Variants in PDZRN3 observed in about 807,000 individuals in gnomAD.
PDZRN3 encodes the protein E3 ubiquitin-protein ligase PDZRN3.
In PDZRN3, 38 loss-of-function variants were observed where a neutral mutation model predicts 85.7. The ratio of observed to expected loss-of-function variants is 0.44; its 90% CI spans 0.34 to 0.58. The LOEUF (loss-of-function observed/expected upper bound fraction) is 0.58. PDZRN3 is among the 20% of genes least tolerant of loss of function. The pLI is 0.01. For synonymous variants in PDZRN3, 759 were observed against 638.0 expected (o/e 1.19, Z -2.86); for missense variants, 1,629 against 1,506.4 (o/e 1.08, Z -1.35).
intron 3 of PDZRN3, among the ~76,000 whole-genome samples, chr3:73,486,303 G>A (rs1410803817): frequency 6.6e-6 from 1 of 152,086 alleles, no homozygotes; most frequent in African/African-American, 2.4e-5. Context: ...TAGGAGGGGT[G>A]GGATTCCAAT....
intron 3 of PDZRN3, among the ~76,000 whole-genome samples, chr3:73,444,963 G>C (rs1702719451): frequency 6.6e-6 from 1 of 152,198 alleles, no homozygotes; most frequent in Admixed American, 6.5e-5. Flanking sequence ...CCACATGAAT[G>C]GCGGTCTTGA....
chr3:73,478,427 G>C (rs951558492), intron 3 of PDZRN3, among the ~76,000 whole-genome samples: 3 of 152,060 alleles, frequency 2.0e-5, no homozygotes, highest in Non-Finnish European at 4.4e-5. Flanking sequence ...AATGCCTGAT[G>C]ATCTGTCACT....
chr3:73,546,970 A>G (rs989604434), intron 3 of PDZRN3, among the ~76,000 whole-genome samples: 1 of 152,170 alleles, frequency 6.6e-6, no homozygotes, highest in East Asian at 1.9e-4. Context: ...TCTACTCCCA[A>G]CTACATGCCT....
At position 73,499,415 on chromosome 3, in the gene PDZRN3, G is replaced by A. The variant is rs74906002; in HGVS notation, c.919-95020C>T. Among the ~76,000 whole-genome samples, 1,087 of 152,212 alleles carry A rather than the reference G, an allele frequency of 7.1e-3. 12 individuals are homozygous for A. Among genetic ancestry groups the A allele is most frequent in the African/African-American group, 0.025 (1,042 of 41,530 alleles). On this transcript the variant is annotated intron_variant, in intron 3 of 9. Transcript: ENST00000263666. The stretch of plus-strand genomic sequence containing the variant: ...ACACATGTAGGCTGAGCCATGAGCC[G>A]CTCCCCTCCCAGGCTCTCAGACCTG...
At chr3:73,621,673 G>C (rs1215836877) in intron 1 of PDZRN3, 1 of 152,194 alleles carries the variant, frequency 6.6e-6, no homozygotes, top group Non-Finnish European at 1.5e-5. Context: ...TGGGTCTGAG[G>C]CCAGGGAAAC....
intron 3 of PDZRN3, among the ~76,000 whole-genome samples, chr3:73,469,390 C>G (rs187042582): frequency 2.6e-5 from 4 of 152,172 alleles, no homozygotes; most frequent in African/African-American, 9.7e-5. Context: ...CTCTTTAATA[C>G]GAATGAGATC....
chr3:73,466,984 G>A (rs1040396659), intron 3 of PDZRN3, among the ~76,000 whole-genome samples: 5 of 152,078 alleles, frequency 3.3e-5, no homozygotes, highest in Non-Finnish European at 7.4e-5. Context: ...GGGCAAAAAT[G>A]GGTCCCCAGG....
Position 73,501,076 on chromosome 3 carries a change from T to A in PDZRN3, c.919-96681A>T, listed in dbSNP as rs553972311. ...AATGTCCGTGTAAGCAATTCAGAAA[T>A]ACTTGTAATTTTTGAAACTCTTTGC... On this transcript the variant is annotated intron_variant, in intron 3 of 9. Coordinates refer to ENST00000263666, the MANE Select transcript of PDZRN3 (RefSeq NM_015009.3). Among the ~76,000 whole-genome samples the A allele has an allele frequency of 7.9e-5, 12 of 152,334 alleles. No individual in the cohort carries two copies. In the South Asian group the frequency reaches 2.5e-3, roughly 32 times the overall value.
intron 3 of PDZRN3, among the ~76,000 whole-genome samples, chr3:73,547,850 C>G (rs1377016094): frequency 6.6e-6 from 1 of 152,146 alleles, no homozygotes; most frequent in African/African-American, 2.4e-5. Context: ...TTGGCAAGTC[C>G]CAACTTCCTG....
chr3:73,542,752 C>T (rs996507816), intron 3 of PDZRN3, among the ~76,000 whole-genome samples: 5 of 151,396 alleles, frequency 3.3e-5, no homozygotes, highest in African/African-American at 9.7e-5. Flanking sequence ...CCAGCCTGGG[C>T]GACAAGTGGG....
Position 73,384,326 on chromosome 3 carries a change from G to C in PDZRN3, c.2240C>G (p.Pro747Arg), listed in dbSNP as rs750579131. Residue 747 changes from proline to arginine, a missense_variant, in exon 10 of 10, where the codon CCG (proline) becomes CGG (arginine). Coordinates refer to ENST00000263666, the MANE Select transcript of PDZRN3 (RefSeq NM_015009.3). ...CGAGCTGTCCTTGTCGGATTTCTCCGGGAGCTCGGTGATATCTGAGAGCTC... is the reference window on the plus strand; with the variant it reads ...CGAGCTGTCCTTGTCGGATTTCTCCCGGAGCTCGGTGATATCTGAGAGCTC... ...RHELSDITELPEKSDKDSSSA... is the reference protein window; with the variant it reads ...RHELSDITELREKSDKDSSSA... 6.2e-7 allele frequency: 1 copy of C among 1,611,696 alleles called. No individual in the cohort carries two copies. The highest frequency in any genetic ancestry group is 8.5e-7 in the Non-Finnish European group (1 of 1,179,972).
Position 73,501,275 on chromosome 3 carries a change from G to A in PDZRN3, c.919-96880C>T, listed in dbSNP as rs1268599674. On this transcript the variant is annotated intron_variant, in intron 3 of 9. Coordinates refer to ENST00000263666, the MANE Select transcript of PDZRN3 (RefSeq NM_015009.3). ...ACATCCACTCCTCACCTGAGCTAGA[G>A]GCATCTCTCTGAGTCCTTTCCACTG... is the stretch of plus-strand genomic sequence containing the variant. 7.9e-5 allele frequency among the ~76,000 whole-genome samples: 12 copies of A among 152,316 alleles called. No individual in the cohort carries two copies. In the East Asian group the frequency reaches 2.3e-3, roughly 29 times the overall value.
chr3:73,597,997 T>A (rs2106889782), intron 3 of PDZRN3, among the ~76,000 whole-genome samples: 1 of 152,134 alleles, frequency 6.6e-6, no homozygotes, highest in East Asian at 1.9e-4. Flanking sequence ...ACGTGTCACA[T>A]CCCTAAGAGA....
At chr3:73,571,871 A>C (rs1255047580) in intron 3 of PDZRN3, among the ~76,000 whole-genome samples, 1 of 152,158 alleles carries the variant, frequency 6.6e-6, no homozygotes, top group African/African-American at 2.4e-5. Context: ...ACAGGAACAT[A>C]CTTTCCACTC....
intron 5 of PDZRN3, among the ~76,000 whole-genome samples, chr3:73,398,815 T>C (rs1261566289): frequency 6.6e-6 from 1 of 152,258 alleles, no homozygotes; most frequent in Non-Finnish European, 1.5e-5. Flanking sequence ...TATTTAATTG[T>C]ATGGGATTTT....
chr3:73,441,782 G>A (rs1442616016), intron 3 of PDZRN3, among the ~76,000 whole-genome samples: 1 of 152,182 alleles, frequency 6.6e-6, no homozygotes, highest in Non-Finnish European at 1.5e-5. Context: ...GCAGGGGCTG[G>A]TAAAGAAAAC....
chr3:73,415,343 G>A (rs574323405), intron 3 of PDZRN3, among the ~76,000 whole-genome samples: 5 of 152,364 alleles, frequency 3.3e-5, no homozygotes, highest in African/African-American at 9.6e-5. Flanking sequence ...GCTGGTGCAC[G>A]TGAGTGGGGT....
chr3:73,510,906 G>GTAC (rs1359623389), intron 3 of PDZRN3, among the ~76,000 whole-genome samples: 1 of 151,992 alleles, frequency 6.6e-6, no homozygotes, highest in Admixed American at 6.6e-5. Context: ...CTTATGATAG[G>GTAC]TACTATACTC....
At chr3:73,394,973 A>G (rs958455356) in intron 5 of PDZRN3, among the ~76,000 whole-genome samples, 2 of 152,234 alleles carry the variant, frequency 1.3e-5, no homozygotes, top group Non-Finnish European at 2.9e-5. Flanking sequence ...GAATTGTGCA[A>G]TGAAAGCAGT....
Sources: gnomAD v4.1 joint callset for allele counts (sites outside exome capture counted in the v4.1 genomes callset) on GRCh38, gnomAD v4.1.1 for gene constraint, MANE v1.5 for transcripts, NCBI Gene and HGNC (gene_info 2026-07-23, HGNC 2026-07-21) for gene names.